The following ZNF713 variants were observed in gnomAD, a reference collection of about 807,000 sequenced individuals.
The protein encoded by ZNF713 is zinc finger protein 713.
Under a neutral mutation model 28.7 loss-of-function variants are expected in ZNF713, and 21 were observed. The ratio of observed to expected loss-of-function variants is 0.73; its 90% CI spans 0.52 to 1.05. ZNF713 has a LOEUF of 1.05. Ranked by LOEUF, ZNF713 falls within the 50% of genes least tolerant of loss-of-function variation. The pLI, the probability that ZNF713 is intolerant of heterozygous loss-of-function variation, is 0.00. For synonymous variants in ZNF713, 167 were observed against 178.0 expected, an observed-to-expected ratio of 0.94 and a Z score of 0.49; for missense variants, 458 against 532.4, an observed-to-expected ratio of 0.86 and a Z score of 1.37.
intron 2 of ZNF713, among the ~76,000 whole-genome samples, chr7:55,908,135 G>GTTTTTTT (rs71015120): frequency 4.2e-4 from 23 of 54,664 alleles, no homozygotes; most frequent in Non-Finnish European, 4.9e-4. Context: ...ATCCGTTGTT[G>GTTTTTTT]TTTTTTTTTT....
At chr7:55,908,089 G>T (rs537052450) in intron 2 of ZNF713, among the ~76,000 whole-genome samples, 1 of 146,646 alleles carries the variant, frequency 6.8e-6, no homozygotes, top group Non-Finnish European at 1.5e-5. Context: ...CACCAGCAGT[G>T]TATACATGTT....
At chr7:55,912,316 A>T (rs1167322687) in intron 3 of ZNF713, among the ~76,000 whole-genome samples, 1 of 152,220 alleles carries the variant, frequency 6.6e-6, no homozygotes, top group East Asian at 1.9e-4. Context: ...CCCATGCCAG[A>T]TCAATTAAAT....
At chr7:55,920,027 C>G (rs1282816248) in intron 4 of ZNF713, among the ~76,000 whole-genome samples, 4 of 152,206 alleles carry the variant, frequency 2.6e-5, no homozygotes, top group Admixed American at 2.6e-4. Flanking sequence ...GTTCCTCCAT[C>G]TCCCTCTCCC....
intron 2 of ZNF713, among the ~76,000 whole-genome samples, chr7:55,908,141 T>G (rs1161817372): frequency 2.3e-5 from 3 of 130,292 alleles, no homozygotes; most frequent in African/African-American, 1.0e-4. Context: ...TGTTGTTTTT[T>G]TTTTTTTTTT....
intron 1 of ZNF713, among the ~76,000 whole-genome samples, chr7:55,889,234 T>G (rs1785335038): frequency 6.6e-6 from 1 of 151,972 alleles, no homozygotes; most frequent in South Asian, 2.1e-4. Flanking sequence ...CCCGATTAGC[T>G]GGGATTACAG....
chr7:55,926,441 G>A (rs544472892), intron 6 of ZNF713, among the ~76,000 whole-genome samples: 12 of 152,156 alleles, frequency 7.9e-5, no homozygotes, highest in African/African-American at 2.9e-4. Flanking sequence ...CAGCCTAACC[G>A]TCTTCCCTAA....
At chr7:55,887,886 CGGGCGG>C (rs1785304346) in intron 1 of ZNF713, among the ~76,000 whole-genome samples, 1 of 74,722 alleles carries the variant, frequency 1.3e-5, no homozygotes, top group African/African-American at 7.3e-5. Context: ...GCGGCGGCGG[CGGGCGG>C]CGGCGGCGGC....
intron 4 of ZNF713, among the ~76,000 whole-genome samples, chr7:55,919,976 T>C (rs535518358): frequency 6.6e-6 from 1 of 152,290 alleles, no homozygotes; most frequent in African/African-American, 2.4e-5. Flanking sequence ...GCAACCTTAA[T>C]TGATAAATGT....
intron 4 of ZNF713, among the ~76,000 whole-genome samples, chr7:55,920,146 A>AT (rs145195478): frequency 0.083 from 12,677 of 152,226 alleles, 731 homozygotes; most frequent in Non-Finnish European, 0.13. Context: ...TTCTTCACTA[A>AT]AAGGAACCAG....
chr7:55,906,669 T>A (rs1438797471), intron 2 of ZNF713, among the ~76,000 whole-genome samples: 1 of 152,088 alleles, frequency 6.6e-6, no homozygotes, highest in Admixed American at 6.6e-5. Context: ...GCTTTTAAGA[T>A]TGCAGCTGTG....
At position 55,939,967 on chromosome 7, in the gene ZNF713, G is replaced by A; in HGVS notation, c.1293G>A (p.Glu431=). The A allele has an allele frequency of 6.2e-7, 1 of 1,606,198 alleles. No individual in the cohort carries two copies. The highest frequency in any genetic ancestry group is 8.5e-7 in the Non-Finnish European group (1 of 1,174,840). The change falls in exon 7 of 7, where the codon GAG becomes GAA. Residue 431 remains glutamate, a synonymous_variant. Coordinates refer to ENST00000429591, the MANE Select transcript of ZNF713 (RefSeq NM_182633.3). ...TREKLCEYKC[E]QTVRHSPSFS... ...AGAAATTATGTGAATATAAATGTGA[G>A]CAAACTGTTCGCCACAGTCCTTCAT...
intron 1 of ZNF713, among the ~76,000 whole-genome samples, chr7:55,903,847 G>A (rs1584301276): frequency 6.6e-6 from 1 of 151,978 alleles, no homozygotes; most frequent in South Asian, 2.1e-4. Flanking sequence ...ATGAAGCCTC[G>A]AGCAAACAGG....
At position 55,905,892 on chromosome 7, in the gene ZNF713, A is replaced by T. The variant is rs147267898; in HGVS notation, c.-582-361A>T. ...ACCGAGACGGGCGCATCACCACATC[A>T]GGAGTTCGAGACCATCCTGGCCAAC... On this transcript the variant is annotated intron_variant, in intron 1 of 6. Transcript: ENST00000429591. 1.8e-3 allele frequency among the ~76,000 whole-genome samples: 280 copies of T among 152,070 alleles called. 2 individuals carry two copies. Among genetic ancestry groups the T allele is most frequent in the African/African-American group, 6.5e-3 (269 of 41,476 alleles).
intron 4 of ZNF713, among the ~76,000 whole-genome samples, chr7:55,921,087 T>G (rs1410959332): frequency 6.6e-6 from 1 of 152,194 alleles, no homozygotes; most frequent in Non-Finnish European, 1.5e-5. Flanking sequence ...CTACTTTGCC[T>G]GTGCGCTAGA....
intron 1 of ZNF713, among the ~76,000 whole-genome samples, chr7:55,894,040 C>A (rs2331095): frequency 6.6e-6 from 1 of 152,214 alleles, no homozygotes; most frequent in South Asian, 2.1e-4. Flanking sequence ...TTTCTGAGCC[C>A]CAACACCAGT....
intron 4 of ZNF713, 93 bp from the exon 5 acceptor site, chr7:55,923,069 C>T: frequency 7.2e-7 from 1 of 1,390,358 alleles, no homozygotes; most frequent in Non-Finnish European, 9.5e-7. Flanking sequence ...AGCACAATGG[C>T]TTAGATAACC....
chr7:55,929,489 G>A (rs1052230658), intron 6 of ZNF713, among the ~76,000 whole-genome samples: 7 of 152,264 alleles, frequency 4.6e-5, no homozygotes, highest in African/African-American at 1.7e-4. Context: ...CTCATATATG[G>A]TAGATAGCCA....
chr7:55,914,960 T>C (rs530938061), intron 4 of ZNF713, among the ~76,000 whole-genome samples: 17 of 152,344 alleles, frequency 1.1e-4, no homozygotes, highest in African/African-American at 3.8e-4. Context: ...GTTCAAGTGA[T>C]TCTCCTGCCT....
chr7:55,922,124 AC>A (rs1285043593), intron 4 of ZNF713, among the ~76,000 whole-genome samples: 1 of 150,842 alleles, frequency 6.6e-6, no homozygotes, highest in African/African-American at 2.4e-5. Context: ...ACGGGGTTTC[AC>A]CATGTTGGCC....
Sources: allele counts gnomAD v4.1 joint callset (sites outside exome capture counted in the v4.1 genomes callset), GRCh38; gene constraint gnomAD v4.1.1; transcripts MANE v1.5; gene names NCBI Gene and HGNC (gene_info 2026-07-23, HGNC 2026-07-21).